SGCZ: variants seen among roughly 807,000 people sequenced by gnomAD.
SGCZ encodes the protein sarcoglycan zeta, also known as zeta-sarcoglycan.
Under a neutral mutation model 41.3 loss-of-function variants are expected in SGCZ, and 40 were observed. That is an observed-to-expected ratio of 0.97 (90% CI 0.75 to 1.26). SGCZ has a LOEUF of 1.26. Ranked by LOEUF, SGCZ falls within the 50% of genes most tolerant of loss-of-function variation. The pLI is 0.00. For synonymous variants in SGCZ, 206 were observed against 137.5 expected (o/e 1.50, Z -3.49); for missense variants, 552 against 369.8 (o/e 1.49, Z -4.04).
intron 1 of SGCZ, among the ~76,000 whole-genome samples, chr8:14,572,399 C>T (rs748280475): frequency 6.6e-6 from 1 of 152,096 alleles, no homozygotes; most frequent in Non-Finnish European, 1.5e-5. Context: ...GAATTAACAA[C>T]AATAATAATA....
chr8:14,578,505 G>C (rs1023719312), intron 1 of SGCZ, among the ~76,000 whole-genome samples: 36 of 152,116 alleles, frequency 2.4e-4, no homozygotes, highest in African/African-American at 8.0e-4. Context: ...TATTTTTCTA[G>C]AATTTCAACA....
intron 1 of SGCZ, among the ~76,000 whole-genome samples, chr8:14,811,142 C>A (rs1473991230): frequency 6.6e-6 from 1 of 151,922 alleles, no homozygotes; most frequent in Non-Finnish European, 1.5e-5. Flanking sequence ...AAACTGCAAT[C>A]CAATCTTAAT....
At chr8:14,727,372 T>C (rs549174326) in intron 1 of SGCZ, among the ~76,000 whole-genome samples, 13 of 152,300 alleles carry the variant, frequency 8.5e-5, no homozygotes, top group Non-Finnish European at 1.5e-4. Flanking sequence ...ATACTATTCA[T>C]TGCTGCTGGG....
intron 1 of SGCZ, among the ~76,000 whole-genome samples, chr8:15,044,949 T>C (rs1204464793): frequency 6.6e-6 from 1 of 152,104 alleles, no homozygotes; most frequent in Non-Finnish European, 1.5e-5. Flanking sequence ...GTTGCATGAA[T>C]TTGTACTACA....
intron 1 of SGCZ, among the ~76,000 whole-genome samples, chr8:14,969,644 A>G (rs1801230036): frequency 6.6e-6 from 1 of 152,008 alleles, no homozygotes; most frequent in South Asian, 2.1e-4. Context: ...TACAGTATAT[A>G]CATTTCCTTG....
rs76906983 is a variant in SGCZ at position 15,184,002 on chromosome 8, T to C, written c.39+53583A>G. Reference sequence around the variant, plus strand: ...AAGAATGATGTACAAACTACTTAGATACTGAAAGGTAGAGTGGAAAAGCAG... The same window carrying C: ...AAGAATGATGTACAAACTACTTAGACACTGAAAGGTAGAGTGGAAAAGCAG... On this transcript the variant is annotated intron_variant, in intron 1 of 7. Transcript: ENST00000382080. Among the ~76,000 whole-genome samples, 840 of 152,322 alleles carry C rather than the reference T, an allele frequency of 5.5e-3. 9 individuals carry two copies. The highest frequency in any genetic ancestry group is 0.019 in the African/African-American group (810 of 41,584).
chr8:14,120,126 A>C (rs1563138107), intron 5 of SGCZ, among the ~76,000 whole-genome samples: 1 of 152,166 alleles, frequency 6.6e-6, no homozygotes, highest in Non-Finnish European at 1.5e-5. Flanking sequence ...AATTTCTAAA[A>C]AAGGTATTAT....
At chr8:14,341,280 A>G (rs758522621) in intron 2 of SGCZ, among the ~76,000 whole-genome samples, 18 of 152,336 alleles carry the variant, frequency 1.2e-4, no homozygotes, top group East Asian at 1.9e-4. Context: ...TCTTTTGAGT[A>G]TATATCCGAA....
intron 1 of SGCZ, among the ~76,000 whole-genome samples, chr8:15,000,870 C>A (rs1174607901): frequency 1.3e-5 from 2 of 152,230 alleles, no homozygotes; most frequent in Non-Finnish European, 2.9e-5. Context: ...TCACTCCTTT[C>A]TTCTGCCTAT....
rs558469280 is a variant in SGCZ at position 14,190,175 on chromosome 8, G to C, written c.425-25473C>G. ...CTACAGGCGCCCGCCACCACGCCCG[G>C]CTAATTCTTTGTATTTTTAGTAGAG... On this transcript the variant is annotated intron_variant, in intron 4 of 7. Coordinates refer to ENST00000382080, the MANE Select transcript of SGCZ (RefSeq NM_139167.4). Among the ~76,000 whole-genome samples the C allele has an allele frequency of 2.6e-4, 39 of 151,764 alleles. No individual in the cohort carries two copies. In the East Asian group the frequency reaches 7.4e-3, roughly 29 times the overall value.
At chr8:14,821,515 AT>A (rs576470321) in intron 1 of SGCZ, among the ~76,000 whole-genome samples, 37 of 152,212 alleles carry the variant, frequency 2.4e-4, no homozygotes, top group African/African-American at 8.4e-4. Flanking sequence ...AATTAAAAAA[AT>A]ATATAATATA....
chr8:14,463,024 G>T (rs919538227), intron 2 of SGCZ, among the ~76,000 whole-genome samples: 12 of 151,358 alleles, frequency 7.9e-5, no homozygotes, highest in Non-Finnish European at 5.9e-5. Flanking sequence ...CTGATTTTTT[G>T]TGTTGACTAA....
chr8:14,984,516 A>C (rs930664446), intron 1 of SGCZ, among the ~76,000 whole-genome samples: 3 of 152,040 alleles, frequency 2.0e-5, no homozygotes, highest in African/African-American at 7.2e-5. Flanking sequence ...GTTTTATAAC[A>C]AAATAGGCTT....
Position 15,238,218 on chromosome 8 carries a change from C to G in SGCZ, c.-595G>C, listed in dbSNP as rs984009482. The stretch of plus-strand genomic sequence containing the variant: ...ATGTCTTGTAGCTGAGAGGTATTTT[C>G]TCAGTGGGGAAAAGAAGATAATCAA... On this transcript the variant is annotated 5_prime_UTR_variant, in exon 1 of 8. Transcript: ENST00000382080. 1 of 152,212 alleles carries G rather than the reference C, an allele frequency of 6.6e-6. No individual in the cohort carries two copies. The highest frequency in any genetic ancestry group is 2.4e-5 in the African/African-American group (1 of 41,436). The allele number at this position is 152,212 out of a possible 1,614,324, so 9.4% of individuals were successfully genotyped here. A position where few individuals can be genotyped will look rare whatever the true frequency, so the allele number is the denominator to read the frequency against.
intron 2 of SGCZ, among the ~76,000 whole-genome samples, chr8:14,477,802 A>G (rs1801404273): frequency 6.6e-6 from 1 of 152,214 alleles, no homozygotes; most frequent in South Asian, 2.1e-4. Context: ...TCTGCCTTAG[A>G]TGATAAAATA....
intron 2 of SGCZ, among the ~76,000 whole-genome samples, chr8:14,359,735 A>G (rs1803434601): frequency 6.6e-6 from 1 of 152,092 alleles, no homozygotes; most frequent in Non-Finnish European, 1.5e-5. Flanking sequence ...AACTATTCCA[A>G]AAAAACAGAG....
intron 4 of SGCZ, among the ~76,000 whole-genome samples, chr8:14,192,175 C>T (rs988161377): frequency 6.6e-6 from 1 of 151,948 alleles, no homozygotes; most frequent in Non-Finnish European, 1.5e-5. Context: ...ATGGGTAGTG[C>T]TTTACAGTAA....
At chr8:14,614,291 A>C (rs1806023087) in intron 1 of SGCZ, among the ~76,000 whole-genome samples, 1 of 152,162 alleles carries the variant, frequency 6.6e-6, no homozygotes, top group South Asian at 2.1e-4. Flanking sequence ...AGAAATAAAA[A>C]TTGAAGAACA....
chr8:14,470,327 C>T (rs935367964), intron 2 of SGCZ, among the ~76,000 whole-genome samples: 1 of 152,032 alleles, frequency 6.6e-6, no homozygotes, highest in Non-Finnish European at 1.5e-5. Context: ...ATCTCCAGTG[C>T]CTGGTCAATT....
Sources: gnomAD v4.1 joint callset for allele counts (sites outside exome capture counted in the v4.1 genomes callset) on GRCh38, gnomAD v4.1.1 for gene constraint, MANE v1.5 for transcripts, NCBI Gene and HGNC (gene_info 2026-07-23, HGNC 2026-07-21) for gene names.